SPAG16: variants seen among roughly 807,000 people sequenced by gnomAD.
SPAG16 encodes sperm-associated antigen 16 protein.
In SPAG16, 86 loss-of-function variants were observed where a neutral mutation model predicts 80.4. The observed-to-expected ratio is 1.07, with a 90% CI of 0.90 to 1.28. SPAG16 has a LOEUF of 1.28. Ranked by LOEUF, SPAG16 falls within the 50% of genes most tolerant of loss-of-function variation. The pLI is 0.00. For synonymous variants in SPAG16, 294 were observed against 265.9 expected (o/e 1.11, Z -1.03); for missense variants, 870 against 765.3 (o/e 1.14, Z -1.61).
At chr2:213,809,221 T>A (rs2071967334) in intron 10 of SPAG16, among the ~76,000 whole-genome samples, 1 of 152,172 alleles carries the variant, frequency 6.6e-6, no homozygotes. Context: ...GCTTGCCAAT[T>A]ATTAGGAATT....
intron 10 of SPAG16, among the ~76,000 whole-genome samples, chr2:213,635,589 T>C (rs2062329839): frequency 6.6e-6 from 1 of 152,218 alleles, no homozygotes; most frequent in South Asian, 2.1e-4. Context: ...TATATTTTGT[T>C]TTTTAATAAT....
intron 10 of SPAG16, among the ~76,000 whole-genome samples, chr2:213,618,432 C>T (rs775657158): frequency 2.0e-5 from 3 of 152,152 alleles, no homozygotes; most frequent in Non-Finnish European, 2.9e-5. Context: ...TATGCTGCCT[C>T]CCAACATACA....
At chr2:214,068,146 A>G (rs1309533419) in intron 13 of SPAG16, among the ~76,000 whole-genome samples, 1 of 152,168 alleles carries the variant, frequency 6.6e-6, no homozygotes, top group African/African-American at 2.4e-5. Flanking sequence ...GTGTCTATCA[A>G]TCAGTTCTTA....
chr2:213,296,580 C>T (rs1170006942), intron 2 of SPAG16, among the ~76,000 whole-genome samples: 1 of 152,140 alleles, frequency 6.6e-6, no homozygotes, highest in South Asian at 2.1e-4. Context: ...ATCATTACTT[C>T]GGACACTTGG....
chr2:213,388,529 G>A (rs1249300212), intron 9 of SPAG16, among the ~76,000 whole-genome samples: 1 of 152,048 alleles, frequency 6.6e-6, no homozygotes, highest in African/African-American at 2.4e-5. Flanking sequence ...AAACAGTAAG[G>A]TTACTGATCC....
chr2:213,363,326 CT>C (rs554573673), intron 7 of SPAG16, among the ~76,000 whole-genome samples: 2 of 151,296 alleles, frequency 1.3e-5, no homozygotes, highest in African/African-American at 4.8e-5. Context: ...TAATCTTTTA[CT>C]TTTTTTTAAC....
At chr2:214,104,413 T>C (rs886535388) in intron 13 of SPAG16, among the ~76,000 whole-genome samples, 4 of 151,852 alleles carry the variant, frequency 2.6e-5, no homozygotes, top group Admixed American at 2.0e-4. Context: ...AGGGGATGAC[T>C]GGGAGTGGGG....
chr2:213,644,794 G>T (rs1296539189), intron 10 of SPAG16, among the ~76,000 whole-genome samples: 1 of 152,200 alleles, frequency 6.6e-6, no homozygotes, highest in Non-Finnish European at 1.5e-5. Flanking sequence ...TGATGGTACT[G>T]GGTCAGACCT....
intron 10 of SPAG16, among the ~76,000 whole-genome samples, chr2:213,756,850 A>G (rs563911533): frequency 1.5e-4 from 23 of 152,222 alleles, no homozygotes; most frequent in Non-Finnish European, 2.1e-4. Context: ...TAATATCTCA[A>G]TGATGGCTTT....
At chr2:214,194,910 T>A (rs1311732165) in intron 15 of SPAG16, among the ~76,000 whole-genome samples, 3 of 152,116 alleles carry the variant, frequency 2.0e-5, no homozygotes, top group African/African-American at 7.2e-5. Context: ...AGCATCCATA[T>A]GTGGTAGCCA....
At chr2:213,952,430 T>A (rs1167012320) in intron 12 of SPAG16, among the ~76,000 whole-genome samples, 1 of 151,804 alleles carries the variant, frequency 6.6e-6, no homozygotes, top group Non-Finnish European at 1.5e-5. Flanking sequence ...TAAAAACATA[T>A]AAATAAAAGA....
intron 15 of SPAG16, among the ~76,000 whole-genome samples, chr2:214,335,062 A>G (rs58052314): frequency 0.02 from 2,980 of 152,308 alleles, 86 homozygotes; most frequent in African/African-American, 0.068. Flanking sequence ...GATGAGGAAG[A>G]ACAGTAATGA....
chr2:214,108,328 A>G, intron 14 of SPAG16, 67 bp downstream of exon 14: 1 of 1,315,812 alleles, frequency 7.6e-7, no homozygotes, highest in Non-Finnish European at 1.1e-6. Context: ...TTTATAAAAC[A>G]AATTTCCAAG....
chr2:214,364,094 T>A (rs895466184), intron 15 of SPAG16, among the ~76,000 whole-genome samples: 1 of 151,936 alleles, frequency 6.6e-6, no homozygotes, highest in Non-Finnish European at 1.5e-5. Context: ...TTAGTGGACT[T>A]TTTACCACCT....
At chr2:213,930,270 G>A in intron 12 of SPAG16, 125 bp downstream of exon 12, 1 of 631,942 alleles carries the variant, frequency 1.6e-6, no homozygotes, top group Non-Finnish European at 2.5e-6. Flanking sequence ...ACTGTTAGTT[G>A]ATAAGATTAT....
At chr2:213,471,868 G>C (rs1383022754) in intron 9 of SPAG16, among the ~76,000 whole-genome samples, 3 of 152,176 alleles carry the variant, frequency 2.0e-5, no homozygotes, top group African/African-American at 7.2e-5. Context: ...GTTGTAGGTG[G>C]GGTCAAATTC....
intron 7 of SPAG16, 105 bp from the exon 8 acceptor site, chr2:213,363,967 GATTA>G (rs2066137860): frequency 5.2e-6 from 2 of 387,984 alleles, no homozygotes; most frequent in Non-Finnish European, 9.1e-6. Context: ...ATTTAAAAGA[GATTA>G]ATATTTTTTA....
At chr2:214,315,245 T>C (rs1216388403) in intron 15 of SPAG16, among the ~76,000 whole-genome samples, 1 of 152,148 alleles carries the variant, frequency 6.6e-6, no homozygotes, top group Non-Finnish European at 1.5e-5. Flanking sequence ...CCTCCATCTG[T>C]TAACAACATT....
intron 10 of SPAG16, among the ~76,000 whole-genome samples, chr2:213,506,145 C>CTAGTTTAA (rs1245810864): frequency 6.6e-6 from 1 of 151,916 alleles, no homozygotes; most frequent in Non-Finnish European, 1.5e-5. Context: ...TAGAATTAAA[C>CTAGTTTAA]TAAGTCTATT....
Sources: gnomAD v4.1 joint callset for allele counts (sites outside exome capture counted in the v4.1 genomes callset) on GRCh38, gnomAD v4.1.1 for gene constraint, MANE v1.5 for transcripts, NCBI Gene and HGNC (gene_info 2026-07-23, HGNC 2026-07-21) for gene names.